Variants in PCDHA12 observed in about 807,000 individuals in gnomAD.
The protein encoded by PCDHA12 is protocadherin alpha-12.
Under a neutral mutation model 60.0 loss-of-function variants are expected in PCDHA12, and 44 were observed. The ratio of observed to expected loss-of-function variants is 0.73; its 90% CI spans 0.58 to 0.94. The LOEUF (loss-of-function observed/expected upper bound fraction) is 0.94, where lower values mean the gene tolerates loss of function less well. Ranked by LOEUF, PCDHA12 falls within the 40% of genes least tolerant of loss-of-function variation. The pLI is 0.00. For synonymous variants in PCDHA12, 569 were observed against 553.0 expected (o/e 1.03, Z -0.40); for missense variants, 1,276 against 1,239.7 (o/e 1.03, Z -0.44).
intron 3 of PCDHA12, among the ~76,000 whole-genome samples, chr5:140,999,845 T>C (rs1293721817): frequency 6.6e-6 from 1 of 152,188 alleles, no homozygotes; most frequent in African/African-American, 2.4e-5. Context: ...CAAGTGTATT[T>C]ATCTCTTCCG....
chr5:140,974,578 C>A (rs1554236214), intron 1 of PCDHA12, among the ~76,000 whole-genome samples: 1 of 152,170 alleles, frequency 6.6e-6, no homozygotes, highest in Non-Finnish European at 1.5e-5. Flanking sequence ...ATGGCATGAT[C>A]TTGGCTCACT....
intron 1 of PCDHA12, among the ~76,000 whole-genome samples, chr5:140,953,432 C>T (rs1292809968): frequency 6.6e-6 from 1 of 152,108 alleles, no homozygotes; most frequent in Non-Finnish European, 1.5e-5. Context: ...TGTCCTTAAG[C>T]TGGAGAAACT....
At chr5:140,882,294 C>T (rs1554173437) in intron 1 of PCDHA12, 1 of 1,613,662 alleles carries the variant, frequency 6.2e-7, no homozygotes. Flanking sequence ...CAAGGAGGCC[C>T]AAGACCGCGG....
chr5:140,987,266 C>T (rs2097244603), intron 3 of PCDHA12, among the ~76,000 whole-genome samples: 1 of 151,752 alleles, frequency 6.6e-6, no homozygotes, highest in African/African-American at 2.4e-5. Context: ...AGGAATGGGA[C>T]CCGGCAGTCT....
intron 1 of PCDHA12, among the ~76,000 whole-genome samples, chr5:140,942,273 G>C (rs1360564646): frequency 6.6e-6 from 1 of 152,132 alleles, no homozygotes; most frequent in South Asian, 2.1e-4. Context: ...AGCTGGTAAT[G>C]GTGGCTCATG....
At chr5:140,934,196 C>T in intron 1 of PCDHA12, among the ~76,000 whole-genome samples, 1 of 152,068 alleles carries the variant, frequency 6.6e-6, no homozygotes, top group East Asian at 1.9e-4. Context: ...CTTTTCATTT[C>T]TATTTCCTCA....
At chr5:140,934,508 C>G (rs2089875994) in intron 1 of PCDHA12, among the ~76,000 whole-genome samples, 1 of 152,096 alleles carries the variant, frequency 6.6e-6, no homozygotes, top group African/African-American at 2.4e-5. Flanking sequence ...CCCAAAGGGT[C>G]CATAGACCAC....
chr5:140,956,177 A>G (rs1261759530), intron 1 of PCDHA12, among the ~76,000 whole-genome samples: 6 of 152,192 alleles, frequency 3.9e-5, no homozygotes, highest in Non-Finnish European at 8.8e-5. Flanking sequence ...AGAACTTCCA[A>G]TACTATGCTG....
At chr5:140,877,970 T>A in intron 1 of PCDHA12, 131 bp downstream of exon 1, 1 of 1,279,190 alleles carries the variant, frequency 7.8e-7, no homozygotes. Flanking sequence ...TTCTTGGTCA[T>A]TCTTACTCAT....
intron 1 of PCDHA12, among the ~76,000 whole-genome samples, chr5:140,881,170 T>C (rs1442098863): frequency 1.3e-5 from 2 of 152,246 alleles, no homozygotes; most frequent in Non-Finnish European, 1.5e-5. Flanking sequence ...CCTCTTCCTC[T>C]TTTCCTTGCT....
At chr5:140,909,772 A>T (rs2074681843) in intron 1 of PCDHA12, among the ~76,000 whole-genome samples, 1 of 152,166 alleles carries the variant, frequency 6.6e-6, no homozygotes, top group Non-Finnish European at 1.5e-5. Context: ...CCAGGGACCC[A>T]CTGGACCCAC....
At chr5:140,966,125 C>T (rs1443798693) in intron 1 of PCDHA12, 1 of 159,140 alleles carries the variant, frequency 6.3e-6, no homozygotes, top group African/African-American at 2.4e-5. Context: ...TTAGCTAAGG[C>T]CCCTCAGTTT....
At position 140,877,091 on chromosome 5, in the gene PCDHA12, C is replaced by G. The variant is rs782722834; in HGVS notation, c.1619C>G (p.Ala540Gly). ...LLQFQVSARD[A>G]GVPPLGSNVT... ...CAGTTCCAGGTGAGCGCGCGCGACGCCGGCGTGCCGCCTCTGGGCAGCAAC... is the reference window on the plus strand; with the variant it reads ...CAGTTCCAGGTGAGCGCGCGCGACGGCGGCGTGCCGCCTCTGGGCAGCAAC... Residue 540 changes from alanine to glycine, a missense_variant, in exon 1 of 4, where the codon GCC becomes GGC. Ala to Gly is a moderately conservative substitution (Grantham distance 60, BLOSUM62 0). Transcript: ENST00000398631. 1.2e-6 allele frequency: 2 copies of G among 1,613,252 alleles called. No homozygotes were observed. The highest frequency in any genetic ancestry group is 1.3e-5 in the African/African-American group (1 of 75,032).
At chr5:140,957,130 A>C in intron 1 of PCDHA12, among the ~76,000 whole-genome samples, 1 of 152,188 alleles carries the variant, frequency 6.6e-6, no homozygotes, top group Middle Eastern at 3.2e-3. Flanking sequence ...TCTTTACTAC[A>C]CTATGAACTA....
intron 1 of PCDHA12, chr5:140,928,746 C>G (rs782813323): frequency 1.2e-6 from 2 of 1,614,012 alleles, no homozygotes; most frequent in Non-Finnish European, 1.7e-6. Flanking sequence ...TAGGTGAGCT[C>G]CGTACTGCTC....
chr5:140,961,549 T>C (rs782360372), intron 1 of PCDHA12, among the ~76,000 whole-genome samples: 3 of 152,220 alleles, frequency 2.0e-5, no homozygotes, highest in Non-Finnish European at 4.4e-5. Flanking sequence ...CTGCAGCATT[T>C]CTTTTTTTAA....
At position 140,875,591 on chromosome 5, in the gene PCDHA12, A is replaced by C; in HGVS notation, c.119A>C (p.Lys40Thr). ...QLHYSVYEEAKHGTFVGRIAQ... is the reference protein window; with the variant it reads ...QLHYSVYEEATHGTFVGRIAQ... ...CACTACTCCGTCTACGAGGAGGCCA[A>C]ACACGGCACCTTCGTGGGCCGCATC... is the stretch of plus-strand genomic sequence containing the variant. The change falls in exon 1 of 4, where the codon AAA becomes ACA. Residue 40 changes from lysine (K) to threonine (T), a missense_variant. Physicochemically the swap from Lys to Thr is moderately conservative, Grantham distance 78 (BLOSUM62 -1). Coordinates refer to ENST00000398631, the MANE Select transcript of PCDHA12 (RefSeq NM_018903.4). 2 of 1,613,998 alleles carry C rather than the reference A, an allele frequency of 1.2e-6. No homozygotes were observed. The highest frequency in any genetic ancestry group is 1.7e-6 in the Non-Finnish European group (2 of 1,180,036).
At chr5:140,943,349 T>C (rs1429038452) in intron 1 of PCDHA12, among the ~76,000 whole-genome samples, 1 of 147,572 alleles carries the variant, frequency 6.8e-6, no homozygotes, top group East Asian at 2.0e-4. Flanking sequence ...AGGATGAGAG[T>C]AGAGGAAAGG....
At chr5:141,001,997 C>G (rs2098052259) in intron 3 of PCDHA12, among the ~76,000 whole-genome samples, 1 of 152,190 alleles carries the variant, frequency 6.6e-6, no homozygotes, top group Admixed American at 6.5e-5. Context: ...AGTTCACTTG[C>G]AAACACAGAA....
Sources: gnomAD v4.1 joint callset for allele counts (sites outside exome capture counted in the v4.1 genomes callset) on GRCh38, gnomAD v4.1.1 for gene constraint, MANE v1.5 for transcripts, NCBI Gene and HGNC (gene_info 2026-07-23, HGNC 2026-07-21) for gene names.